Variants in CDH13 observed in about 807,000 individuals in gnomAD.
The protein encoded by CDH13 is cadherin-13.
CDH13 carries 24 observed loss-of-function variants against 63.8 expected under a neutral mutation model. The observed-to-expected ratio is 0.38, with a 90% CI of 0.27 to 0.53. The LOEUF (loss-of-function observed/expected upper bound fraction) is 0.53, where lower values mean the gene tolerates loss of function less well. CDH13 is among the 20% of genes least tolerant of loss of function. The probability of loss-of-function intolerance (pLI) is 0.85; values close to 1 mark genes in which losing one functional copy is unlikely to be tolerated. For synonymous variants in CDH13, 503 were observed against 355.3 expected (o/e 1.42, Z -4.67); for missense variants, 1,049 against 903.1 (o/e 1.16, Z -2.07).
chr16:82,856,716 A>C (rs1241987986), intron 1 of CDH13, among the ~76,000 whole-genome samples: 1 of 149,148 alleles, frequency 6.7e-6, no homozygotes, highest in Non-Finnish European at 1.5e-5. Context: ...AAAAAAAAAA[A>C]AAAAAGGAAA....
chr16:83,360,284 G>A (rs531224175), intron 6 of CDH13, among the ~76,000 whole-genome samples: 12 of 152,282 alleles, frequency 7.9e-5, no homozygotes, highest in South Asian at 4.1e-4. Flanking sequence ...TACCACGTAC[G>A]GAAAATACAT....
At chr16:83,393,195 C>A (rs950624645) in intron 6 of CDH13, among the ~76,000 whole-genome samples, 27 of 152,144 alleles carry the variant, frequency 1.8e-4, no homozygotes, top group African/African-American at 6.5e-4. Flanking sequence ...TAAACTGATG[C>A]CAAGGGGTGC....
chr16:82,878,954 G>C (rs984907640), intron 2 of CDH13, among the ~76,000 whole-genome samples: 2 of 152,048 alleles, frequency 1.3e-5, no homozygotes, highest in African/African-American at 4.8e-5. Context: ...AGGGGCTTCT[G>C]TTTTCTTGAG....
chr16:82,655,016 T>C (rs1911141574), intron 1 of CDH13, among the ~76,000 whole-genome samples: 1 of 152,246 alleles, frequency 6.6e-6, no homozygotes, highest in South Asian at 2.1e-4. Flanking sequence ...CTCTTGGCTC[T>C]GGGGTACAGG....
At chr16:83,117,221 G>A (rs763719456) in intron 3 of CDH13, among the ~76,000 whole-genome samples, 3 of 152,174 alleles carry the variant, frequency 2.0e-5, no homozygotes, top group Non-Finnish European at 4.4e-5. Flanking sequence ...CATGGCCTAC[G>A]TGCCTCTCCA....
intron 1 of CDH13, among the ~76,000 whole-genome samples, chr16:82,639,695 A>G (rs1465711745): frequency 6.6e-6 from 1 of 152,200 alleles, no homozygotes; most frequent in African/African-American, 2.4e-5. Context: ...GTCTTACCAG[A>G]CTAGTGTTTT....
intron 7 of CDH13, among the ~76,000 whole-genome samples, chr16:83,519,765 C>T (rs2074785842): frequency 6.6e-6 from 1 of 152,072 alleles, no homozygotes; most frequent in African/African-American, 2.4e-5. Flanking sequence ...ATACAAGCAG[C>T]ATGGCAAAGG....
At chr16:83,723,415 G>T (rs540262466) in intron 10 of CDH13, among the ~76,000 whole-genome samples, 1 of 152,312 alleles carries the variant, frequency 6.6e-6, no homozygotes, top group South Asian at 2.1e-4. Flanking sequence ...TTGGCCCTCT[G>T]TCTCCAAGCT....
intron 3 of CDH13, among the ~76,000 whole-genome samples, chr16:83,105,165 C>T (rs1455911061): frequency 1.3e-5 from 2 of 152,178 alleles, no homozygotes; most frequent in South Asian, 2.1e-4. Flanking sequence ...ATCGATTTCA[C>T]CCTTTTTGGA....
chr16:83,330,206 A>AAC (rs148041186), intron 5 of CDH13, among the ~76,000 whole-genome samples: 2 of 152,080 alleles, frequency 1.3e-5, no homozygotes, highest in Admixed American at 6.6e-5. Flanking sequence ...TACACATGTA[A>AAC]ACACACACAC....
At chr16:82,736,565 T>C (rs1044727864) in intron 1 of CDH13, among the ~76,000 whole-genome samples, 2 of 152,162 alleles carry the variant, frequency 1.3e-5, no homozygotes, top group Admixed American at 6.5e-5. Flanking sequence ...GCCTGGTACA[T>C]ATTAGGAACC....
Position 83,587,416 on chromosome 16 carries a change from G to A in CDH13, c.961-15038G>A, listed in dbSNP as rs566346659. 3.1e-4 allele frequency among the ~76,000 whole-genome samples: 47 copies of A among 152,274 alleles called. No homozygotes were observed. The South Asian group carries it at 6.8e-3, about 22-fold the overall frequency. ...TTTTAGAAACATCCACCGACCCCTCGGTGAGCTCCTGTGCTTCTGTCACTG... is the reference window on the plus strand; with the variant it reads ...TTTTAGAAACATCCACCGACCCCTCAGTGAGCTCCTGTGCTTCTGTCACTG... On this transcript the variant is annotated intron_variant, in intron 7 of 13. Transcript: ENST00000567109.
intron 3 of CDH13, among the ~76,000 whole-genome samples, chr16:83,080,628 C>T (rs960113872): frequency 6.6e-6 from 1 of 152,052 alleles, no homozygotes; most frequent in South Asian, 2.1e-4. Context: ...GTCCACAGCT[C>T]CTGTATTAGC....
At chr16:83,110,118 C>G (rs573662990) in intron 3 of CDH13, among the ~76,000 whole-genome samples, 2 of 152,292 alleles carry the variant, frequency 1.3e-5, no homozygotes, top group African/African-American at 4.8e-5. Flanking sequence ...TTAGGTTCAA[C>G]TTTTCAAATA....
In CDH13 at chr16:83,345,070, G is replaced by C. The variant is rs950142493; in HGVS notation, c.781+64G>C. 8 of 1,561,778 alleles carry C rather than the reference G, an allele frequency of 5.1e-6. No individual in the cohort carries two copies. The African/African-American group carries it at 9.5e-5, about 18-fold the overall frequency. The stretch of plus-strand genomic sequence containing the variant: ...AAAGAGGCACACTTTGATCTTTGTG[G>C]ATTCTAGGGACTGTCTTATGGCTGT... On this transcript the variant is annotated intron_variant, in intron 6 of 13. Transcript: ENST00000567109.
At chr16:83,342,311 T>C (rs2090743414) in intron 5 of CDH13, among the ~76,000 whole-genome samples, 1 of 152,248 alleles carries the variant, frequency 6.6e-6, no homozygotes, top group Admixed American at 6.5e-5. Flanking sequence ...TTCTCTTGTT[T>C]ATCACCTGTC....
chr16:82,990,528 T>C lies in CDH13; in HGVS notation c.158-41482T>C, dbSNP rs1433510044. On this transcript the variant is annotated intron_variant, in intron 2 of 13. Coordinates refer to ENST00000567109, the MANE Select transcript of CDH13 (RefSeq NM_001257.5). ...GCTTCCATCTCTTCCTTGTCGTTTG[T>C]GTGGGTTTTTTGGTTTGGGTTTTTT... is the stretch of plus-strand genomic sequence containing the variant. 2.0e-5 allele frequency among the ~76,000 whole-genome samples: 3 copies of C among 150,558 alleles called. No homozygotes were observed. In the Admixed American group the frequency reaches 2.0e-4, roughly 10 times the overall value.
intron 4 of CDH13, among the ~76,000 whole-genome samples, chr16:83,192,031 G>A (rs562080635): frequency 1.5e-4 from 23 of 152,148 alleles, no homozygotes; most frequent in African/African-American, 4.6e-4. Context: ...GATAGTTAAG[G>A]CACCTGAAGG....
intron 10 of CDH13, among the ~76,000 whole-genome samples, chr16:83,724,069 A>G (rs1465992601): frequency 6.6e-6 from 1 of 151,712 alleles, no homozygotes; most frequent in Non-Finnish European, 1.5e-5. Flanking sequence ...TGAGTGATGA[A>G]TGCATGGGTG....
Sources: gnomAD v4.1 joint callset for allele counts (sites outside exome capture counted in the v4.1 genomes callset) on GRCh38, gnomAD v4.1.1 for gene constraint, MANE v1.5 for transcripts, NCBI Gene and HGNC (gene_info 2026-07-23, HGNC 2026-07-21) for gene names.